Variants in CHAT observed in about 807,000 individuals in gnomAD.
CHAT encodes the protein acetyl CoA:choline O-acetyltransferase.
In CHAT, 61 loss-of-function variants were observed where a neutral mutation model predicts 76.9. The ratio of observed to expected loss-of-function variants is 0.79; its 90% confidence interval spans 0.65 to 0.98. The LOEUF (loss-of-function observed/expected upper bound fraction) is 0.98. Among genes scored for constraint, CHAT ranks in the 50% least tolerant of loss-of-function variants. The pLI is 0.00. For missense variants in CHAT, 946 were observed against 986.9 expected, an observed-to-expected ratio of 0.96 and a Z score of 0.56; for synonymous variants, 407 against 397.4, an observed-to-expected ratio of 1.02 and a Z score of -0.29.
chr10:49,614,394 C>A lies in CHAT; in HGVS notation c.205C>A (p.Pro69Thr), dbSNP rs924554606. 28 of 1,546,320 alleles carry A rather than the reference C, an allele frequency of 1.8e-5. No individual in the cohort carries two copies. Among genetic ancestry groups the A allele is most frequent in the Admixed American group, 5.9e-5 (3 of 50,924 alleles). ...CCCCCGCGCTGCGACACGCCCCCCA[C>A]CCCTTCCGGCTCACACCCCCGCCCA... ...PHPRAATRPPPLPAHTPAHTP... is the reference protein window; with the variant it reads ...PHPRAATRPPTLPAHTPAHTP... The change falls in exon 1 of 15, where the codon CCC (proline) becomes ACC (threonine). Residue 69 changes from proline (P) to threonine (T), a missense_variant. Physicochemically the swap from Pro to Thr is conservative, Grantham distance 38 (BLOSUM62 -1). Coordinates refer to ENST00000337653, the MANE Select transcript of CHAT (RefSeq NM_020549.5).
chr10:49,633,619 G>A (rs1292184830), intron 7 of CHAT, among the ~76,000 whole-genome samples: 1 of 152,172 alleles, frequency 6.6e-6, no homozygotes, highest in South Asian at 2.1e-4. Flanking sequence ...CGAAGCTGTG[G>A]CCTTCCTGAA....
intron 2 of CHAT, among the ~76,000 whole-genome samples, chr10:49,618,291 A>G (rs1042193798): frequency 1.3e-5 from 2 of 152,236 alleles, no homozygotes; most frequent in Non-Finnish European, 2.9e-5. Flanking sequence ...AGACAACAAT[A>G]TCAATAACAG....
chr10:49,634,884 C>T (rs1410641390), intron 7 of CHAT, among the ~76,000 whole-genome samples: 1 of 152,122 alleles, frequency 6.6e-6, no homozygotes, highest in Non-Finnish European at 1.5e-5. Context: ...TTAAATTGTA[C>T]TTATTTTGGG....
intron 14 of CHAT, 57 bp from the exon 15 acceptor site, chr10:49,664,720 C>T (rs1175008879): frequency 1.9e-5 from 30 of 1,610,474 alleles, no homozygotes; most frequent in Middle Eastern, 3.3e-4. Context: ...CAAGCCCAGT[C>T]GAGGCTGGCG....
At chr10:49,614,018 G>C, upstream of CHAT, 1 of 1,219,608 alleles carries the variant, frequency 8.2e-7, no homozygotes, top group Non-Finnish European at 1.2e-6. Flanking sequence ...AATGGGGTTG[G>C]GGAAGTGCGG....
At chr10:49,646,706 A>C (rs942278592) in intron 8 of CHAT, 32 bp downstream of exon 8, 4 of 1,610,380 alleles carry the variant, frequency 2.5e-6, no homozygotes, top group Non-Finnish European at 2.5e-6. Context: ...GCAAGAGCAC[A>C]GCCATGCCCC....
At chr10:49,638,286 A>G (rs746783990) in intron 7 of CHAT, among the ~76,000 whole-genome samples, 1 of 152,106 alleles carries the variant, frequency 6.6e-6, no homozygotes, top group Non-Finnish European at 1.5e-5. Context: ...TTTGCATGCT[A>G]TATATTTTTC....
chr10:49,635,033 G>A (rs765973948), intron 7 of CHAT, among the ~76,000 whole-genome samples: 37 of 152,116 alleles, frequency 2.4e-4, no homozygotes, highest in Middle Eastern at 3.4e-3. Context: ...GTCAAGATAC[G>A]GAACATTCCA....
intron 7 of CHAT, among the ~76,000 whole-genome samples, chr10:49,636,489 T>C (rs956243972): frequency 7.9e-5 from 12 of 152,192 alleles, no homozygotes; most frequent in African/African-American, 2.4e-4. Context: ...TTTTGTTTGT[T>C]GTACTGTATT....
At chr10:49,663,418 A>C (rs549115076) in intron 14 of CHAT, among the ~76,000 whole-genome samples, 1 of 152,238 alleles carries the variant, frequency 6.6e-6, no homozygotes, top group Admixed American at 6.5e-5. Flanking sequence ...TCTGCAGTGA[A>C]GTCTTGGCTT....
intron 7 of CHAT, among the ~76,000 whole-genome samples, chr10:49,634,756 C>T (rs1839242305): frequency 6.6e-6 from 1 of 152,136 alleles, no homozygotes; most frequent in Non-Finnish European, 1.5e-5. Flanking sequence ...TTCTCCCCCA[C>T]CATCCTTTCC....
intron 1 of CHAT, chr10:49,615,912 C>A (rs1590554006): frequency 5.6e-6 from 5 of 885,372 alleles, no homozygotes; most frequent in South Asian, 4.7e-5. Flanking sequence ...CAGAGTCTCC[C>A]TGCCCTGGCC....
chr10:49,656,693 C>T (rs931553370), intron 13 of CHAT, among the ~76,000 whole-genome samples: 1 of 152,092 alleles, frequency 6.6e-6, no homozygotes, highest in Admixed American at 6.5e-5. Context: ...GACAGTGGGG[C>T]AGGGGAGATG....
At chr10:49,654,409 T>C (rs148311365) in intron 11 of CHAT, among the ~76,000 whole-genome samples, 2 of 152,290 alleles carry the variant, frequency 1.3e-5, no homozygotes, top group African/African-American at 4.8e-5. Flanking sequence ...CCTCCCCCAC[T>C]CCCAACATCA....
chr10:49,611,736 G>T, upstream of CHAT: 1 of 1,605,182 alleles, frequency 6.2e-7, no homozygotes, highest in Non-Finnish European at 8.5e-7. Context: ...TGGCCTGGCT[G>T]CCGGCCTTCG....
intron 7 of CHAT, among the ~76,000 whole-genome samples, chr10:49,636,003 G>C (rs1296641376): frequency 6.6e-6 from 1 of 152,124 alleles, no homozygotes; most frequent in Non-Finnish European, 1.5e-5. Context: ...TTTATGAAAT[G>C]ATTATGTATG....
At position 49,651,998 on chromosome 10, in the gene CHAT, C is replaced by T. The variant is rs1254875214; in HGVS notation, c.1626C>T (p.Ala542=). ...DAFIQVALQL[A]FYRLHRRLVP... is the part of the protein sequence containing the mutation. ...TCATCCAGGTGGCCCTCCAGCTGGC[C>T]TTCTACAGGTGAGTGAAGGTGGAGT... The change falls in exon 11 of 15, where the codon GCC becomes GCT. Residue 542 remains alanine, a synonymous_variant. Transcript: ENST00000337653. 5 of 1,614,084 alleles carry T rather than the reference C, an allele frequency of 3.1e-6. No individual in the cohort carries two copies. Among genetic ancestry groups the T allele is most frequent in the Non-Finnish European group, 3.4e-6 (4 of 1,180,044 alleles).
chr10:49,616,048 C>T, intron 1 of CHAT: 1 of 1,613,932 alleles, frequency 6.2e-7, no homozygotes, highest in Non-Finnish European at 8.5e-7. Flanking sequence ...TACTCCACAC[C>T]AGAGATGTGG....
In CHAT at chr10:49,651,883, G is replaced by C; in HGVS notation, c.1512-1G>C. On this transcript the variant is annotated splice_acceptor_variant, in intron 10 of 14. Coordinates refer to ENST00000337653, the MANE Select transcript of CHAT (RefSeq NM_020549.5). LOFTEE classifies it high-confidence loss of function. ...AAACATCTTTTCTTTTTCTTCCTCA[G>C]AATAGTAAAGAACCTTGACTTCATT... 6.2e-7 allele frequency: 1 copy of C among 1,613,634 alleles called. No individual in the cohort carries two copies. Among genetic ancestry groups the C allele is most frequent in the Non-Finnish European group, 8.5e-7 (1 of 1,179,688 alleles).
Sources: allele counts gnomAD v4.1 joint callset (sites outside exome capture counted in the v4.1 genomes callset), GRCh38; gene constraint gnomAD v4.1.1; transcripts MANE v1.5; gene names NCBI Gene and HGNC (gene_info 2026-07-23, HGNC 2026-07-21).